XXYLT1: variants seen among roughly 807,000 people sequenced by gnomAD.
XXYLT1 encodes xyloside xylosyltransferase 1.
Under a neutral mutation model 28.9 loss-of-function variants are expected in XXYLT1, and 20 were observed. That is an observed-to-expected ratio of 0.69 (90% CI 0.49 to 1.00). XXYLT1 has a LOEUF of 1.00. Among genes scored for constraint, XXYLT1 ranks in the 50% least tolerant of loss-of-function variants. XXYLT1 has a pLI of 0.00. For synonymous variants in XXYLT1, 257 were observed against 253.8 expected (o/e 1.01, Z -0.12); for missense variants, 542 against 560.1 (o/e 0.97, Z 0.33).
chr3:195,270,996 G>A lies in XXYLT1; in HGVS notation c.63C>T (p.Arg21=). Residue 21 remains arginine, a synonymous_variant, in exon 1 of 4, where the codon CGC becomes CGT. Coordinates refer to ENST00000310380, the MANE Select transcript of XXYLT1 (RefSeq NM_152531.5). ...ARAMARLGAV[R]SHYCALLLAA... ...CCAGCAGCAGGGCGCAGTAGTGGGAGCGCACAGCGCCCAGGCGCGCCATGG... is the reference window on the plus strand; with the variant it reads ...CCAGCAGCAGGGCGCAGTAGTGGGAACGCACAGCGCCCAGGCGCGCCATGG... 1.0e-5 allele frequency: 15 copies of A among 1,479,742 alleles called. No homozygotes were observed. The highest frequency in any genetic ancestry group is 1.3e-5 in the Non-Finnish European group (15 of 1,119,576). The allele number at this position is 1,479,742 out of a possible 1,614,324, so 91.7% of individuals were successfully genotyped here.
intron 1 of XXYLT1, among the ~76,000 whole-genome samples, chr3:195,229,773 T>G (rs1724221698): frequency 6.6e-6 from 1 of 152,250 alleles, no homozygotes; most frequent in African/African-American, 2.4e-5. Context: ...ACTGTTTTCT[T>G]TTTCCATTCA....
At chr3:195,264,654 G>A (rs1490982398) in intron 1 of XXYLT1, among the ~76,000 whole-genome samples, 4 of 152,136 alleles carry the variant, frequency 2.6e-5, no homozygotes, top group Non-Finnish European at 4.4e-5. Context: ...GCTCCATGAA[G>A]GCAGAAACTT....
At position 195,069,632 on chromosome 3, in the gene XXYLT1, C is replaced by T; in HGVS notation, c.*83G>A. On this transcript the variant is annotated 3_prime_UTR_variant, in exon 4 of 4. Transcript: ENST00000310380. ...TCCCTGCGGTGTCTCTCTAGCGGGT[C>T]AGACACTGCCCTTGGGTCTGTCCCA... 6.6e-7 allele frequency: 1 copy of T among 1,505,772 alleles called. No individual in the cohort carries two copies. The highest frequency in any genetic ancestry group is 8.9e-7 in the Non-Finnish European group (1 of 1,128,562). The allele number at this position is 1,505,772 out of a possible 1,614,324, so 93.3% of individuals were successfully genotyped here.
At chr3:195,147,548 C>T (rs193184583) in intron 3 of XXYLT1, among the ~76,000 whole-genome samples, 171 of 152,194 alleles carry the variant, frequency 1.1e-3, no homozygotes, top group African/African-American at 4.0e-3. Flanking sequence ...CCAGCCTGGG[C>T]GACAAGAAAG....
intron 3 of XXYLT1, among the ~76,000 whole-genome samples, chr3:195,134,868 T>TGTGTGCGC (rs996449867): frequency 2.0e-5 from 2 of 100,124 alleles, no homozygotes; most frequent in African/African-American, 8.1e-5. Flanking sequence ...TGTGTGTGTG[T>TGTGTGCGC]GCGTGTGCGC....
chr3:195,213,593 G>A (rs1723428811), intron 2 of XXYLT1, among the ~76,000 whole-genome samples: 1 of 152,184 alleles, frequency 6.6e-6, no homozygotes, highest in Non-Finnish European at 1.5e-5. Flanking sequence ...TGAGTACTGT[G>A]GAAAACCCGC....
chr3:195,174,292 C>G (rs1404702055), intron 2 of XXYLT1, among the ~76,000 whole-genome samples: 1 of 152,138 alleles, frequency 6.6e-6, no homozygotes, highest in Non-Finnish European at 1.5e-5. Flanking sequence ...CTCTCTTCCT[C>G]ACAGCAGCCT....
intron 2 of XXYLT1, among the ~76,000 whole-genome samples, chr3:195,204,468 A>ACTCTCTCTCT (rs1316535464): frequency 1.2e-3 from 136 of 114,816 alleles, no homozygotes; most frequent in African/African-American, 5.0e-3. Flanking sequence ...ACACACACTC[A>ACTCTCTCTCT]CTCTCTCACT....
chr3:195,070,193 C>G, intron 3 of XXYLT1, 82 bp from the exon 4 acceptor site: 1 of 1,479,262 alleles, frequency 6.8e-7, no homozygotes, highest in Non-Finnish European at 8.9e-7. Flanking sequence ...TCACAGCCAG[C>G]CTGCATGCAA....
intron 2 of XXYLT1, among the ~76,000 whole-genome samples, chr3:195,213,185 T>G (rs1015167231): frequency 6.6e-6 from 1 of 152,104 alleles, no homozygotes; most frequent in African/African-American, 2.4e-5. Context: ...GAGGCTTTCC[T>G]GCCCACATCC....
intron 3 of XXYLT1, among the ~76,000 whole-genome samples, chr3:195,109,322 T>C (rs1717324865): frequency 6.6e-6 from 1 of 151,974 alleles, no homozygotes; most frequent in Non-Finnish European, 1.5e-5. Context: ...GGCCTGGCTC[T>C]CCCAAGCCAG....
chr3:195,174,811 C>T (rs993254015), intron 2 of XXYLT1, among the ~76,000 whole-genome samples: 1 of 151,500 alleles, frequency 6.6e-6, no homozygotes, highest in African/African-American at 2.4e-5. Context: ...GAGATTGGGT[C>T]CCACTATGTT....
intron 2 of XXYLT1, among the ~76,000 whole-genome samples, chr3:195,202,764 T>A (rs1178961852): frequency 2.6e-5 from 4 of 152,240 alleles, no homozygotes; most frequent in Non-Finnish European, 4.4e-5. Context: ...ACTTAGGTCA[T>A]CTTGGAAGAA....
intron 3 of XXYLT1, among the ~76,000 whole-genome samples, chr3:195,142,963 C>T (rs1276203876): frequency 1.3e-5 from 2 of 152,210 alleles, no homozygotes; most frequent in Non-Finnish European, 2.9e-5. Flanking sequence ...TAAAGATGCT[C>T]TTATACACAT....
Position 195,112,619 on chromosome 3 carries a change from GTGCACA to G in XXYLT1, c.786-42514_786-42509del, listed in dbSNP as rs554562484. Among the ~76,000 whole-genome samples the G allele has an allele frequency of 1.6e-4, 14 of 88,478 alleles. No homozygotes were observed. In the Admixed American group the frequency reaches 1.7e-3, roughly 11 times the overall value. 58.0% of individuals were successfully genotyped at this position (88,478 alleles called of 152,430 possible). A position where few individuals can be genotyped will look rare whatever the true frequency, so the allele number is the denominator to read the frequency against. ...CACGCATGCACACACACGCACACAT[GTGCACA>G]CACACACCCCCATGCACACACGCAG... On this transcript the variant is annotated intron_variant, in intron 3 of 3. Transcript: ENST00000310380.
intron 3 of XXYLT1, chr3:195,152,224 C>T (rs1050633480): frequency 3.3e-5 from 5 of 152,656 alleles, no homozygotes; most frequent in Admixed American, 3.3e-4. Context: ...CAAAATGGCA[C>T]ATCTTTACAA....
chr3:195,239,061 G>A (rs1724671993), intron 1 of XXYLT1, among the ~76,000 whole-genome samples: 1 of 152,176 alleles, frequency 6.6e-6, no homozygotes, highest in African/African-American at 2.4e-5. Context: ...AGGACAAACT[G>A]TACTCAGTAC....
intron 1 of XXYLT1, chr3:195,247,646 C>G: frequency 3.5e-6 from 2 of 563,758 alleles, no homozygotes; most frequent in South Asian, 4.2e-5. Context: ...CCCAGACAGC[C>G]CTGCCAGGCT....
rs912419841 is a variant in XXYLT1, at chr3:195,180,735, C to G, written c.653-24154G>C. Among the ~76,000 whole-genome samples, 1 of 152,194 alleles carries G rather than the reference C, an allele frequency of 6.6e-6. No individual in the cohort carries two copies. Among genetic ancestry groups the G allele is most frequent in the African/African-American group, 2.4e-5 (1 of 41,448 alleles). On this transcript the variant is annotated intron_variant, in intron 2 of 3. Transcript: ENST00000310380. The surrounding 1 kb of genome is among the most constrained non-coding windows in gnomAD (Gnocchi z 5.8). ...GGGAAAGGCGCCTGCCCACTGCCCC[C>G]ACCCCTGCAAGCACACACCTGCTCG...
Sources: gnomAD v4.1 joint callset for allele counts (sites outside exome capture counted in the v4.1 genomes callset) on GRCh38, gnomAD v4.1.1 for gene constraint, Gnocchi (gnomAD v3.1) non-coding constraint, MANE v1.5 for transcripts, NCBI Gene and HGNC (gene_info 2026-07-23, HGNC 2026-07-21) for gene names.